CCNL1: variants seen among roughly 807,000 people sequenced by gnomAD.
CCNL1 encodes the protein cyclin L1.
Under a neutral mutation model 60.6 loss-of-function variants are expected in CCNL1, and 13 were observed. The observed-to-expected ratio is 0.21, with a 90% CI of 0.14 to 0.34. The LOEUF is 0.34. Ranked by LOEUF, CCNL1 falls within the 10% of genes least tolerant of loss-of-function variation. CCNL1 has a pLI of 1.00. For synonymous variants in CCNL1, 270 were observed against 244.3 expected (o/e 1.10, Z -0.98); for missense variants, 481 against 664.3 (o/e 0.72, Z 3.03).
At chr3:157,144,298 T>C (rs182121078), downstream of CCNL1, among the ~76,000 whole-genome samples, 1 of 152,368 alleles carries the variant, frequency 6.6e-6, no homozygotes, top group East Asian at 1.9e-4. Flanking sequence ...TTTTGAACTG[T>C]GTTTGAGAGT....
In CCNL1 at chr3:157,148,346, C is replaced by T; in HGVS notation, c.1476G>A (p.Arg492=). Residue 492 remains arginine (R), a synonymous_variant, in exon 11 of 11, where the codon AGG becomes AGA. Coordinates refer to ENST00000295926, the MANE Select transcript of CCNL1 (RefSeq NM_020307.4). ...SDAAKKHRHE[R]GHHRDRRERS... ...GTTCACGCCTGTCCCTATGATGTCC[C>T]CTTTCATGCCTGTGTTTCTTGGCTG... The T allele has an allele frequency of 6.2e-7, 1 of 1,614,204 alleles. No homozygotes were observed. The highest frequency in any genetic ancestry group is 8.5e-7 in the Non-Finnish European group (1 of 1,180,038).
In CCNL1 at chr3:157,159,327, A is replaced by C. The variant is rs1200806700; in HGVS notation, c.378+78T>G. The C allele has an allele frequency of 2.2e-6, 3 of 1,344,242 alleles. No individual in the cohort carries two copies. In the East Asian group the frequency reaches 6.9e-5, roughly 31 times the overall value. 83.3% of individuals were successfully genotyped at this position (1,344,242 alleles called of 1,614,324 possible). Reference sequence around the variant, plus strand: ...AACTAAACCACTCCCTTTCTGGAAAAGCTGGCTGCTGACACTACCCCTACT... The same window carrying C: ...AACTAAACCACTCCCTTTCTGGAAACGCTGGCTGCTGACACTACCCCTACT... On this transcript the variant is annotated intron_variant, in intron 2 of 10. Coordinates refer to ENST00000295926, the MANE Select transcript of CCNL1 (RefSeq NM_020307.4).
chr3:157,149,853 G>A lies in CCNL1; in HGVS notation c.1004C>T (p.Ser335Phe). 1 of 1,613,912 alleles carries A rather than the reference G, an allele frequency of 6.2e-7. No homozygotes were observed. The highest frequency in any genetic ancestry group is 1.1e-5 in the South Asian group (1 of 91,004). Residue 335 changes from serine to phenylalanine, a missense_variant, in exon 8 of 11, where the codon TCT becomes TTT. Around this residue, in one of 5 missense-constraint regions of CCNL1, gnomAD observed 75 missense variants for 129.6 expected, o/e 0.58. Transcript: ENST00000295926. ...TPALSTLGGF[S>F]PASKPSSPRE... ...CATCTTACATGGCTTGGAGGCTGGA[G>A]AAAATCCACCCAGGGTTGAAAGGGC...
chr3:157,151,303 T>G, intron 5 of CCNL1: 1 of 985,692 alleles, frequency 1.0e-6, no homozygotes, highest in African/African-American at 1.7e-5. Flanking sequence ...GTCCTTCACA[T>G]CAATAGTCTT....
At chr3:157,149,802 C>T (rs754302543) in intron 8 of CCNL1, 34 bp downstream of exon 8, 2 of 1,595,028 alleles carry the variant, frequency 1.3e-6, no homozygotes, top group Admixed American at 1.8e-5. Flanking sequence ...ACTTTCAGTG[C>T]CCCCAAGTCA....
intron 3 of CCNL1, among the ~76,000 whole-genome samples, chr3:157,158,037 C>A (rs1180523075): frequency 6.6e-6 from 1 of 152,170 alleles, no homozygotes; most frequent in African/African-American, 2.4e-5. Context: ...TATTCTACAC[C>A]AAATATATCA....
downstream of CCNL1, chr3:157,146,461 C>T: frequency 2.3e-6 from 1 of 436,726 alleles, no homozygotes; most frequent in Non-Finnish European, 4.5e-6. Context: ...CAACCCTCAC[C>T]CACAGCACTC....
chr3:157,146,110 C>T (rs567505731), downstream of CCNL1, among the ~76,000 whole-genome samples: 1 of 152,212 alleles, frequency 6.6e-6, no homozygotes, highest in African/African-American at 2.4e-5. Context: ...TTCCCAATAG[C>T]AAGGGTGGGA....
At chr3:157,150,044 A>C (rs1039852169) in intron 7 of CCNL1, 21 bp downstream of exon 7, 14 of 1,608,040 alleles carry the variant, frequency 8.7e-6, no homozygotes, top group Non-Finnish European at 1.1e-5. Context: ...ATGTTGGCAC[A>C]AACGAGTAAA....
At chr3:157,159,596 G>A (rs895900432) in intron 1 of CCNL1, 117 bp from the exon 2 acceptor site, 18 of 1,087,010 alleles carry the variant, frequency 1.7e-5, no homozygotes, top group African/African-American at 1.3e-4. Flanking sequence ...CCGCCGCTGC[G>A]AACAGCCCGC....
Position 157,153,515 on chromosome 3 carries a change from G to A in CCNL1, c.489-359C>T, listed in dbSNP as rs192264798. 898 of 172,076 alleles carry A rather than the reference G, an allele frequency of 5.2e-3. 4 individuals carry two copies. The highest frequency in any genetic ancestry group is 7.5e-3 in the Non-Finnish European group (605 of 80,928). 10.7% of individuals were successfully genotyped at this position (172,076 alleles called of 1,614,324 possible). ...ATCACAAACCTCAAAGTCTCTCCAA[G>A]AGACTTTCCACTGGCCAAAGTAATG... On this transcript the variant is annotated intron_variant, in intron 3 of 10. Transcript: ENST00000295926.
At chr3:157,150,019 G>A in intron 7 of CCNL1, 42 bp from the exon 8 acceptor site, 1 of 1,609,998 alleles carries the variant, frequency 6.2e-7, no homozygotes, top group East Asian at 2.2e-5. Context: ...CCTTAGAGTA[G>A]CTTGGACTCT....
rs1370149719 is a variant in CCNL1, at chr3:157,160,096, G to A, written c.-2C>T. On this transcript the variant is annotated 5_prime_UTR_variant, in exon 1 of 11. Coordinates refer to ENST00000295926, the MANE Select transcript of CCNL1 (RefSeq NM_020307.4). ...TGTCGAATGAGGCCCGGACGCCATA[G>A]TCTTAGCGAGCCGCACGCAAGCCCA... is the stretch of plus-strand genomic sequence containing the variant. The A allele has an allele frequency of 3.9e-6, 6 of 1,538,498 alleles. No individual in the cohort carries two copies. The highest frequency in any genetic ancestry group is 5.3e-6 in the Non-Finnish European group (6 of 1,140,016).
In CCNL1 at chr3:157,149,350, C is replaced by G; in HGVS notation, c.1169G>C (p.Arg390Thr). The G allele has an allele frequency of 2.5e-6, 4 of 1,614,066 alleles. No individual in the cohort carries two copies. The highest frequency in any genetic ancestry group is 2.5e-6 in the Non-Finnish European group (3 of 1,179,958). The change falls in exon 10 of 11, where the codon AGA (arginine) becomes ACA (threonine). Residue 390 changes from arginine (R) to threonine (T), a missense_variant. Physicochemically the swap from Arg to Thr is moderately conservative, Grantham distance 71. This residue lies in a region of CCNL1 where 197 missense variants were observed against 233.9 expected (regional missense o/e 0.84). Coordinates refer to ENST00000295926, the MANE Select transcript of CCNL1 (RefSeq NM_020307.4). ...TCTTGACCTCGATCGACTTGCACTT[C>G]TGCTATTTCTACTTCTCTTGCTGTC... ...RKDSKRSRNS[R>T]SASRSRSRTR...
At chr3:157,153,687 C>T (rs1738372137) in intron 3 of CCNL1, 1 of 152,316 alleles carries the variant, frequency 6.6e-6, no homozygotes, top group Non-Finnish European at 1.5e-5. Context: ...ATTTACAGTA[C>T]TATAAAGTCC....
rs1329670768 is a variant in CCNL1, at chr3:157,147,708, G to C, written c.*533C>G. 3.0e-6 allele frequency: 3 copies of C among 985,164 alleles called. No homozygotes were observed. Among genetic ancestry groups the C allele is most frequent in the Non-Finnish European group, 2.4e-6 (2 of 829,722 alleles). The allele number at this position is 985,164 out of a possible 1,614,324, so 61.0% of individuals were successfully genotyped here. A position where few individuals can be genotyped will look rare whatever the true frequency, so the allele number is the denominator to read the frequency against. ...TCAAACTACCATCTAATGGAGGAAA[G>C]AATAAGTTTGTCAGAAAACCAGTAC... On this transcript the variant is annotated 3_prime_UTR_variant, in exon 11 of 11. Coordinates refer to ENST00000295926, the MANE Select transcript of CCNL1 (RefSeq NM_020307.4).
At chr3:157,159,089 G>T in intron 2 of CCNL1, 114 bp from the exon 3 acceptor site, 1 of 708,710 alleles carries the variant, frequency 1.4e-6, no homozygotes, top group South Asian at 1.7e-5. Flanking sequence ...ACATCTCTAT[G>T]CCGTAAGTCT....
At chr3:157,151,047 T>C in intron 5 of CCNL1, 1 of 984,972 alleles carries the variant, frequency 1.0e-6, no homozygotes, top group Non-Finnish European at 1.2e-6. Context: ...TCCTAAACTA[T>C]CAAAGAAATT....
chr3:157,159,519 C>A lies in CCNL1; in HGVS notation c.304-40G>T. 2.6e-6 allele frequency: 4 copies of A among 1,566,194 alleles called. No individual in the cohort carries two copies. In the African/African-American group the frequency reaches 4.1e-5, roughly 16 times the overall value. ...GGAGAACGGAAGCGCAGGGGTCAGGCGGGCCCGCTCCAGGCGCCGCCGCCA... is the reference window on the plus strand; with the variant it reads ...GGAGAACGGAAGCGCAGGGGTCAGGAGGGCCCGCTCCAGGCGCCGCCGCCA... On this transcript the variant is annotated intron_variant, in intron 1 of 10. Coordinates refer to ENST00000295926, the MANE Select transcript of CCNL1 (RefSeq NM_020307.4).
Sources: gnomAD v4.1 joint callset for allele counts (sites outside exome capture counted in the v4.1 genomes callset) on GRCh38, gnomAD v4.1.1 for gene constraint, gnomAD v4.1.1 regional missense constraint, MANE v1.5 for transcripts, NCBI Gene and HGNC (gene_info 2026-07-23, HGNC 2026-07-21) for gene names.